Variants in DLGAP1 observed in about 807,000 individuals in gnomAD.
DLGAP1 encodes the protein DLG associated protein 1, also known as disks large-associated protein 1.
Under a neutral mutation model 90.8 loss-of-function variants are expected in DLGAP1, and 11 were observed. The observed-to-expected ratio is 0.12, with a 90% CI of 0.08 to 0.20. The LOEUF is 0.20. DLGAP1 is among the 10% of genes least tolerant of loss of function. DLGAP1 has a pLI of 1.00. For missense variants in DLGAP1, 1,050 were observed against 1,333.8 expected (o/e 0.79, Z 3.31); for synonymous variants, 558 against 540.7 (o/e 1.03, Z -0.44).
chr18:4,392,052 T>C (rs1343533754), intron 1 of DLGAP1, among the ~76,000 whole-genome samples: 1 of 152,220 alleles, frequency 6.6e-6, no homozygotes. Context: ...TCTCTTCTCA[T>C]GAACCGAAAG....
chr18:4,334,368 G>A (rs1038559894), intron 1 of DLGAP1, among the ~76,000 whole-genome samples: 4 of 151,586 alleles, frequency 2.6e-5, no homozygotes, highest in Non-Finnish European at 5.9e-5. Context: ...CATATACATT[G>A]GTCAAAAGAA....
intron 1 of DLGAP1, among the ~76,000 whole-genome samples, chr18:4,287,953 A>G (rs893777089): frequency 6.6e-6 from 1 of 152,120 alleles, no homozygotes; most frequent in Non-Finnish European, 1.5e-5. Flanking sequence ...CTCAGTATAC[A>G]TGTCACCTTG....
chr18:3,978,062 G>T, intron 3 of DLGAP1: 1 of 380,012 alleles, frequency 2.6e-6, no homozygotes, highest in South Asian at 2.1e-5. Flanking sequence ...TCTTGGAGGG[G>T]CCATCCACAG....
intron 3 of DLGAP1, among the ~76,000 whole-genome samples, chr18:3,929,493 G>T (rs1293279855): frequency 6.6e-6 from 1 of 152,196 alleles, no homozygotes; most frequent in Non-Finnish European, 1.5e-5. Flanking sequence ...TGCAAACACA[G>T]ATGCCAATAC....
chr18:3,834,270 C>T lies in DLGAP1; in HGVS notation c.958-19997G>A, dbSNP rs1402072620. Among the ~76,000 whole-genome samples, 3 of 135,928 alleles carry T rather than the reference C, an allele frequency of 2.2e-5. No homozygotes were observed. In the East Asian group the frequency reaches 6.6e-4, roughly 30 times the overall value. The allele number at this position is 135,928 out of a possible 152,430, so 89.2% of individuals were successfully genotyped here. Reference sequence around the variant, plus strand: ...GCAGTGAGCCGAGATCGCGCCACTGCACTCCAGCCTGGGAGATAGAGCAAG... The same window carrying T: ...GCAGTGAGCCGAGATCGCGCCACTGTACTCCAGCCTGGGAGATAGAGCAAG... On this transcript the variant is annotated intron_variant, in intron 4 of 12. Coordinates refer to ENST00000315677, the MANE Select transcript of DLGAP1 (RefSeq NM_004746.4).
At chr18:4,318,298 A>T (rs953826297) in intron 1 of DLGAP1, among the ~76,000 whole-genome samples, 1 of 152,248 alleles carries the variant, frequency 6.6e-6, no homozygotes, top group African/African-American at 2.4e-5. Context: ...AAGAAAATTC[A>T]GTGCATTTCT....
chr18:3,799,326 T>C (rs545112807), intron 5 of DLGAP1, among the ~76,000 whole-genome samples: 7 of 152,248 alleles, frequency 4.6e-5, no homozygotes, highest in African/African-American at 1.7e-4. Context: ...CCTACAGGCA[T>C]GGGTGCTACC....
At chr18:3,529,081 A>T (rs1049141781) in intron 10 of DLGAP1, among the ~76,000 whole-genome samples, 1 of 152,170 alleles carries the variant, frequency 6.6e-6, no homozygotes, top group Admixed American at 6.5e-5. Context: ...TGGCAACAAG[A>T]ACTGTTAGTT....
intron 2 of DLGAP1, among the ~76,000 whole-genome samples, chr18:4,019,467 A>G (rs1468763980): frequency 6.6e-6 from 1 of 152,200 alleles, no homozygotes; most frequent in African/African-American, 2.4e-5. Context: ...GAGTCTTCTT[A>G]AAATGAAAAG....
chr18:3,656,321 C>T, intron 7 of DLGAP1: 1 of 477,216 alleles, frequency 2.1e-6, no homozygotes, highest in Non-Finnish European at 3.7e-6. Flanking sequence ...CCACTAAAAC[C>T]ATTTGGGGAA....
At chr18:3,963,313 T>C (rs959357963) in intron 3 of DLGAP1, among the ~76,000 whole-genome samples, 6 of 152,140 alleles carry the variant, frequency 3.9e-5, no homozygotes, top group Admixed American at 1.3e-4. Flanking sequence ...TTCTCATAAA[T>C]ATAAACCAGC....
intron 10 of DLGAP1, among the ~76,000 whole-genome samples, chr18:3,515,244 G>A (rs1325126788): frequency 6.6e-6 from 1 of 151,960 alleles, no homozygotes; most frequent in Non-Finnish European, 1.5e-5. Context: ...GCCAAGGTGG[G>A]TGGATCACGA....
chr18:3,929,835 T>C (rs1025753649), intron 3 of DLGAP1, among the ~76,000 whole-genome samples: 1 of 152,266 alleles, frequency 6.6e-6, no homozygotes, highest in African/African-American at 2.4e-5. Flanking sequence ...TGAGGAACAT[T>C]CTGTAGATAA....
chr18:4,143,393 C>T (rs1237113669), intron 2 of DLGAP1, among the ~76,000 whole-genome samples: 1 of 151,454 alleles, frequency 6.6e-6, no homozygotes, highest in African/African-American at 2.4e-5. Context: ...CCATGGCCAC[C>T]ACTGCCCAAG....
chr18:3,715,608 G>A (rs1246515519), intron 7 of DLGAP1, among the ~76,000 whole-genome samples: 1 of 152,146 alleles, frequency 6.6e-6, no homozygotes, highest in Non-Finnish European at 1.5e-5. Context: ...ATTTTCGAGA[G>A]CACTTTCCCT....
chr18:4,184,456 A>C (rs1371238938), intron 1 of DLGAP1, among the ~76,000 whole-genome samples: 3 of 152,138 alleles, frequency 2.0e-5, no homozygotes, highest in African/African-American at 7.2e-5. Context: ...GTAGACCATA[A>C]TTTTAGTTAA....
At chr18:3,784,893 C>T (rs1196045749) in intron 5 of DLGAP1, among the ~76,000 whole-genome samples, 1 of 152,194 alleles carries the variant, frequency 6.6e-6, no homozygotes, top group East Asian at 1.9e-4. Context: ...CCTTGTCCTC[C>T]TGCTGCCAGC....
intron 3 of DLGAP1, among the ~76,000 whole-genome samples, chr18:3,995,926 A>G (rs2074061448): frequency 6.6e-6 from 1 of 152,100 alleles, no homozygotes; most frequent in Admixed American, 6.5e-5. Context: ...AAAAGTTTAG[A>G]TACTATTAAA....
intron 1 of DLGAP1, among the ~76,000 whole-genome samples, chr18:4,268,787 G>T (rs2079188954): frequency 6.6e-6 from 1 of 151,932 alleles, no homozygotes; most frequent in Non-Finnish European, 1.5e-5. Context: ...TCTGCTTCTT[G>T]CTTGAAAACA....
Sources: gnomAD v4.1 joint callset for allele counts (sites outside exome capture counted in the v4.1 genomes callset) on GRCh38, gnomAD v4.1.1 for gene constraint, MANE v1.5 for transcripts, NCBI Gene and HGNC (gene_info 2026-07-23, HGNC 2026-07-21) for gene names.